EFCAB6: variants seen among roughly 807,000 people sequenced by gnomAD.
EFCAB6 encodes EF-hand calcium binding domain 6.
In EFCAB6, 156 loss-of-function variants were observed where a neutral mutation model predicts 169.8. The ratio of observed to expected loss-of-function variants is 0.92; its 90% CI spans 0.81 to 1.05. The LOEUF is 1.05. EFCAB6 is among the 50% of genes least tolerant of loss of function. The probability of loss-of-function intolerance (pLI) is 0.00; values close to 1 mark genes in which losing one functional copy is unlikely to be tolerated. For missense variants in EFCAB6, 1,800 were observed against 1,829.1 expected (o/e 0.98, Z 0.29); for synonymous variants, 698 against 676.4 (o/e 1.03, Z -0.50).
In EFCAB6 at chr22:43,654,715, A is replaced by G. The variant is rs571172308; in HGVS notation, c.1983+12389T>C. Among the ~76,000 whole-genome samples the G allele has an allele frequency of 1.9e-3, 285 of 152,306 alleles. 1 individual carries two copies. The highest frequency in any genetic ancestry group is 6.6e-3 in the African/African-American group (274 of 41,582). ...GACTCAATAGAATGTGATACCCTAG[A>G]TACGATCCTAGACAGGAAAAGGACA... On this transcript the variant is annotated intron_variant, in intron 17 of 31. Transcript: ENST00000262726.
At chr22:43,684,629 T>C (rs2147119193) in intron 11 of EFCAB6, among the ~76,000 whole-genome samples, 1 of 152,348 alleles carries the variant, frequency 6.6e-6, no homozygotes, top group Admixed American at 6.5e-5. Flanking sequence ...TGTTGCTGCG[T>C]CTATACAGCC....
chr22:43,730,481 C>G (rs1438995369), intron 8 of EFCAB6, among the ~76,000 whole-genome samples: 1 of 151,572 alleles, frequency 6.6e-6, no homozygotes, highest in Non-Finnish European at 1.5e-5. Context: ...GATATAGAGG[C>G]AGGGTGTATT....
At chr22:43,735,296 C>G (rs1045728036) in intron 7 of EFCAB6, among the ~76,000 whole-genome samples, 1 of 151,748 alleles carries the variant, frequency 6.6e-6, no homozygotes, top group African/African-American at 2.4e-5. Flanking sequence ...TTCTGCTGTT[C>G]GTCACCCTCC....
intron 3 of EFCAB6, among the ~76,000 whole-genome samples, chr22:43,779,119 G>GA (rs1337478791): frequency 6.6e-6 from 1 of 152,056 alleles, no homozygotes. Flanking sequence ...AAGAGCACAT[G>GA]AAAAAAATCT....
intron 8 of EFCAB6, among the ~76,000 whole-genome samples, chr22:43,727,583 G>A (rs1030142598): frequency 3.3e-5 from 5 of 152,214 alleles, no homozygotes; most frequent in Non-Finnish European, 5.9e-5. Flanking sequence ...TGTTTATGGT[G>A]TATGTAAAAG....
chr22:43,804,482 G>A (rs998327314), intron 2 of EFCAB6, among the ~76,000 whole-genome samples: 5 of 152,162 alleles, frequency 3.3e-5, no homozygotes, highest in African/African-American at 9.7e-5. Context: ...ATCAGTGACT[G>A]GACACGGTGG....
chr22:43,529,842 T>G (rs562782173), intron 31 of EFCAB6, among the ~76,000 whole-genome samples: 138 of 152,342 alleles, frequency 9.1e-4, no homozygotes, highest in African/African-American at 3.2e-3. Flanking sequence ...ACTTTCACCT[T>G]AAGCTGCTAT....
At chr22:43,772,787 T>C in intron 4 of EFCAB6, 105 bp downstream of exon 4, 1 of 1,241,114 alleles carries the variant, frequency 8.1e-7, no homozygotes, top group South Asian at 1.5e-5. Context: ...CTTCAACTGC[T>C]CAGTGGCAAC....
chr22:43,768,848 A>G (rs1304415602), intron 4 of EFCAB6, among the ~76,000 whole-genome samples: 2 of 152,204 alleles, frequency 1.3e-5, no homozygotes, highest in Non-Finnish European at 2.9e-5. Flanking sequence ...AAGGACACAT[A>G]GCAGGAAATA....
intron 8 of EFCAB6, among the ~76,000 whole-genome samples, chr22:43,726,047 T>C (rs2059713108): frequency 1.3e-5 from 2 of 152,082 alleles, no homozygotes; most frequent in South Asian, 4.1e-4. Context: ...GAAACAGGAA[T>C]ATACAGAATG....
chr22:43,726,276 C>CAAAAAAAAAAAAAAAAAAAAAAAAAAAAA (rs3994547), intron 8 of EFCAB6, among the ~76,000 whole-genome samples: 1 of 59,356 alleles, frequency 1.7e-5, no homozygotes, highest in Non-Finnish European at 3.0e-5. Context: ...AAAAATTCAC[C>CAAAAAAAAAAAAAAAAAAAAAAAAAAAAA]AAAAAAAAAA....
intron 3 of EFCAB6, among the ~76,000 whole-genome samples, chr22:43,778,291 T>C (rs2061702823): frequency 2.6e-5 from 4 of 152,182 alleles, no homozygotes; most frequent in African/African-American, 4.8e-5. Flanking sequence ...CTTCCCCCAG[T>C]GCAGGTAAGT....
In EFCAB6 at chr22:43,537,416, C is replaced by G; in HGVS notation, c.4009G>C (p.Val1337Leu). The change falls in exon 29 of 32, where the codon GTG (valine) becomes CTG (leucine). Residue 1337 changes from valine (V) to leucine (L), a missense_variant. By Grantham distance (32) the Val-to-Leu change is conservative (BLOSUM62 1). Coordinates refer to ENST00000262726, the MANE Select transcript of EFCAB6 (RefSeq NM_022785.4). This position sits in a 1 kb window ranked among gnomAD's most constrained non-coding sequence, Gnocchi z 4.3. ...GCGTTGATGTCCCCCTGTCTGGCCA[C>G]GTCCTTCTCCTTGCATTCTTTCAGG... ...QLLKECKEKD[V>L]ARQGDINASD... is the part of the protein sequence containing the mutation. 1 of 1,614,132 alleles carries G rather than the reference C, an allele frequency of 6.2e-7. No individual in the cohort carries two copies. The highest frequency in any genetic ancestry group is 8.5e-7 in the Non-Finnish European group (1 of 1,180,028).
At chr22:43,631,925 G>A (rs1021622518) in intron 19 of EFCAB6, among the ~76,000 whole-genome samples, 180 bp downstream of exon 19, 2 of 152,122 alleles carry the variant, frequency 1.3e-5, no homozygotes, top group African/African-American at 4.8e-5. Flanking sequence ...CAGGGAGGGA[G>A]GAAGCCCCAT....
At chr22:43,809,413 C>T (rs1250671655) in intron 1 of EFCAB6, among the ~76,000 whole-genome samples, 1 of 152,114 alleles carries the variant, frequency 6.6e-6, no homozygotes. Context: ...GTTATTCTTA[C>T]AAGTCATCTC....
intron 30 of EFCAB6, chr22:43,533,574 A>C (rs2047207478): frequency 6.6e-6 from 1 of 152,120 alleles, no homozygotes; most frequent in Admixed American, 6.5e-5. Context: ...AAGAAAATAC[A>C]TTTCTGAGCT....
At chr22:43,606,248 G>C (rs771312313) in intron 22 of EFCAB6, among the ~76,000 whole-genome samples, 31 of 152,154 alleles carry the variant, frequency 2.0e-4, no homozygotes, top group South Asian at 4.1e-4. Flanking sequence ...TGATTTCTGA[G>C]CCTTCAGAGG....
chr22:43,615,449 G>A (rs554967787), intron 21 of EFCAB6, among the ~76,000 whole-genome samples: 1 of 152,184 alleles, frequency 6.6e-6, no homozygotes. Context: ...ATAAAATTAA[G>A]TACAACAGCA....
chr22:43,722,706 C>T (rs539316303), intron 8 of EFCAB6, among the ~76,000 whole-genome samples: 6 of 152,204 alleles, frequency 3.9e-5, no homozygotes, highest in Non-Finnish European at 7.4e-5. Context: ...AATTACTGGG[C>T]ATATATCTAG....
Sources: gnomAD v4.1 joint callset for allele counts (sites outside exome capture counted in the v4.1 genomes callset) on GRCh38, gnomAD v4.1.1 for gene constraint, Gnocchi (gnomAD v3.1) non-coding constraint, MANE v1.5 for transcripts, NCBI Gene and HGNC (gene_info 2026-07-23, HGNC 2026-07-21) for gene names.